The following HIGD1A variants were observed in gnomAD, a reference collection of about 807,000 sequenced individuals.
HIGD1A encodes HIG1 hypoxia inducible domain family member 1A.
A neutral mutation model predicts 11.3 loss-of-function variants in HIGD1A; 8 were observed. The observed-to-expected ratio is 0.71, with a 90% confidence interval of 0.42 to 1.28. HIGD1A has a LOEUF of 1.28. Ranked by LOEUF, HIGD1A falls within the 50% of genes most tolerant of loss-of-function variation. The pLI, the probability that HIGD1A is intolerant of heterozygous loss-of-function variation, is 0.01. For synonymous variants in HIGD1A, 32 were observed against 38.4 expected (o/e 0.83, Z 0.62); for missense variants, 107 against 118.8 (o/e 0.90, Z 0.46).
At chr3:42,791,111 T>TA (rs1700417113) in intron 2 of HIGD1A, among the ~76,000 whole-genome samples, 1 of 152,234 alleles carries the variant, frequency 6.6e-6, no homozygotes, top group African/African-American at 2.4e-5. Context: ...CTCTCATATG[T>TA]TTAGTATATG....
intron 2 of HIGD1A, among the ~76,000 whole-genome samples, chr3:42,787,587 T>G (rs1482661530): frequency 4.8e-5 from 1 of 21,038 alleles, no homozygotes; most frequent in African/African-American, 1.6e-4. Context: ...CGAGACTCCA[T>G]CTCAAAAATA....
chr3:42,784,103 A>C lies in HIGD1A; in HGVS notation c.*1168T>G, dbSNP rs1296927407. Among the ~76,000 whole-genome samples the C allele has an allele frequency of 1.3e-5, 2 of 151,854 alleles. No individual in the cohort carries two copies. The highest frequency in any genetic ancestry group is 1.3e-4 in the Admixed American group (2 of 15,248). On this transcript the variant is annotated 3_prime_UTR_variant, in exon 4 of 4. Coordinates refer to ENST00000321331, the MANE Select transcript of HIGD1A (RefSeq NM_014056.4). ...AAAAAAAAAAAAAAAATTTATATGG[A>C]TAATCAATAGAACAAAAATTACCCA...
chr3:42,799,598 G>A (rs1401783219), intron 1 of HIGD1A, among the ~76,000 whole-genome samples: 1 of 148,174 alleles, frequency 6.7e-6, no homozygotes, highest in African/African-American at 2.6e-5. Context: ...GATAACAGGT[G>A]TGCACCACCA....
chr3:42,788,977 C>T (rs1016546874), intron 2 of HIGD1A, among the ~76,000 whole-genome samples: 1 of 149,960 alleles, frequency 6.7e-6, no homozygotes, highest in Non-Finnish European at 1.5e-5. Context: ...ACTAGCTTAT[C>T]AACTTTAAAA....
chr3:42,784,290 A>C lies in HIGD1A; in HGVS notation c.*981T>G, dbSNP rs1013200044. 1.3e-5 allele frequency: 2 copies of C among 152,268 alleles called. No individual in the cohort carries two copies. The highest frequency in any genetic ancestry group is 4.8e-5 in the African/African-American group (2 of 41,468). 9.4% of individuals were successfully genotyped at this position (152,268 alleles called of 1,614,324 possible). ...GAAAGCTTTTCCTCATGAAATAAAT[A>C]AAAGACATTTGACATGGGTCACTTA... On this transcript the variant is annotated 3_prime_UTR_variant, in exon 4 of 4. Transcript: ENST00000321331.
In HIGD1A at chr3:42,804,461, C is replaced by T. The variant is rs758014223; in HGVS notation, c.-48G>A. ...CTAGAGCGAGAAAACCTCTCACACC[C>T]CAACCGGCTTCCGATCCCTGCAGGC... On this transcript the variant is annotated 5_prime_UTR_variant, in exon 1 of 4. Transcript: ENST00000321331. 2 of 476,650 alleles carry T rather than the reference C, an allele frequency of 4.2e-6. No individual in the cohort carries two copies. The highest frequency in any genetic ancestry group is 5.5e-4 in the Middle Eastern group (1 of 1,818). The allele number at this position is 476,650 out of a possible 1,614,324, so 29.5% of individuals were successfully genotyped here. A position where few individuals can be genotyped will look rare whatever the true frequency, so the allele number is the denominator to read the frequency against.
intron 2 of HIGD1A, among the ~76,000 whole-genome samples, chr3:42,787,594 A>AAAAAAAAAATATAT (rs1383516264): frequency 9.2e-5 from 13 of 141,246 alleles, no homozygotes; most frequent in East Asian, 8.4e-4. Flanking sequence ...CCATCTCAAA[A>AAAAAAAAAATATAT]ATATATATAT....
chr3:42,800,505 C>T (rs904468377), intron 1 of HIGD1A, among the ~76,000 whole-genome samples: 2 of 152,040 alleles, frequency 1.3e-5, no homozygotes, highest in Non-Finnish European at 2.9e-5. Flanking sequence ...GATTCCTCTA[C>T]TTGTGAGAGT....
chr3:42,791,043 T>C (rs1700416264), intron 2 of HIGD1A, among the ~76,000 whole-genome samples: 1 of 152,216 alleles, frequency 6.6e-6, no homozygotes, highest in Admixed American at 6.5e-5. Context: ...AACATACCAC[T>C]AAGTTTCTGG....
At chr3:42,788,002 C>T (rs959327123) in intron 2 of HIGD1A, among the ~76,000 whole-genome samples, 6 of 99,130 alleles carry the variant, frequency 6.1e-5, no homozygotes, top group South Asian at 4.0e-4. Flanking sequence ...GCAATCAAAA[C>T]GTAAAACAAC....
At chr3:42,794,064 A>C (rs886968879) in intron 2 of HIGD1A, 93 bp downstream of exon 2, 2 of 1,281,678 alleles carry the variant, frequency 1.6e-6, no homozygotes, top group Non-Finnish European at 2.2e-6. Flanking sequence ...ATAAGAAAAA[A>C]ATGGAAAATA....
Position 42,804,199 on chromosome 3 carries a change from C to T in HIGD1A, c.-23+237G>A, listed in dbSNP as rs1373638179. ...CACAAGCTTCTGCTCCATCTCCTCG[C>T]TGGCTCCGTCTCCCCTCACCCGAAG... On this transcript the variant is annotated intron_variant, in intron 1 of 3. Transcript: ENST00000321331. 3.1e-6 allele frequency: 5 copies of T among 1,610,652 alleles called. No homozygotes were observed. The African/African-American group carries it at 6.7e-5, about 22-fold the overall frequency.
At chr3:42,795,317 CAA>C (rs1449291138) in intron 1 of HIGD1A, among the ~76,000 whole-genome samples, 2 of 151,472 alleles carry the variant, frequency 1.3e-5, no homozygotes, top group Admixed American at 1.3e-4. Flanking sequence ...CTCCCAGGTT[CAA>C]GTGATTCTCC....
rs931467712 is a variant in HIGD1A at position 42,783,412 on chromosome 3, G to A, written c.*1859C>T. Among the ~76,000 whole-genome samples, 1 of 152,142 alleles carries A rather than the reference G, an allele frequency of 6.6e-6. No homozygotes were observed. Among genetic ancestry groups the A allele is most frequent in the African/African-American group, 2.4e-5 (1 of 41,426 alleles). On this transcript the variant is annotated 3_prime_UTR_variant, in exon 4 of 4. Coordinates refer to ENST00000321331, the MANE Select transcript of HIGD1A (RefSeq NM_014056.4). ...AGGCAGATAGATCTCTTGAAGCCAG[G>A]AGTTCAAGATCATCCAACATGGTGA...
chr3:42,801,609 G>T (rs114181840), intron 1 of HIGD1A, among the ~76,000 whole-genome samples: 37 of 152,306 alleles, frequency 2.4e-4, no homozygotes, highest in African/African-American at 8.7e-4. Flanking sequence ...CAATCATACA[G>T]ATTTGTAGAG....
rs553809117 is a variant in HIGD1A, at chr3:42,804,478, C to T, written c.-65G>A. On this transcript the variant is annotated 5_prime_UTR_variant, in exon 1 of 4. Coordinates refer to ENST00000321331, the MANE Select transcript of HIGD1A (RefSeq NM_014056.4). ...CTCACACCCCAACCGGCTTCCGATC[C>T]CTGCAGGCGCACCCAGTCCTCCCGG... The T allele has an allele frequency of 3.3e-5, 15 of 451,838 alleles. No individual in the cohort carries two copies. Among genetic ancestry groups the T allele is most frequent in the South Asian group, 1.6e-4 (4 of 24,302 alleles). The allele number at this position is 451,838 out of a possible 1,614,324, so 28.0% of individuals were successfully genotyped here.
chr3:42,804,038 C>G (rs1015264785), intron 1 of HIGD1A: 1 of 940,486 alleles, frequency 1.1e-6, no homozygotes. Flanking sequence ...CCGCTTAGCC[C>G]GCTCTTCAGA....
At chr3:42,804,109 C>T in intron 1 of HIGD1A, 9 of 1,539,446 alleles carry the variant, frequency 5.8e-6, no homozygotes, top group Non-Finnish European at 8.0e-6. Context: ...CCAGTCAACA[C>T]CCTCCTGGCC....
At chr3:42,793,849 G>A (rs1386953379) in intron 2 of HIGD1A, among the ~76,000 whole-genome samples, 1 of 152,142 alleles carries the variant, frequency 6.6e-6, no homozygotes, top group Non-Finnish European at 1.5e-5. Flanking sequence ...GTGCACACCT[G>A]TGGTCCCAGC....
Sources: gnomAD v4.1 joint callset for allele counts (sites outside exome capture counted in the v4.1 genomes callset) on GRCh38, gnomAD v4.1.1 for gene constraint, MANE v1.5 for transcripts, NCBI Gene and HGNC (gene_info 2026-07-23, HGNC 2026-07-21) for gene names.